The following MAGI3 variants were observed in gnomAD, a reference collection of about 807,000 sequenced individuals.
The protein encoded by MAGI3 is membrane-associated guanylate kinase, WW and PDZ domain-containing protein 3.
A neutral mutation model predicts 121.8 loss-of-function variants in MAGI3; 43 were observed. The observed-to-expected ratio is 0.35, with a 90% CI of 0.28 to 0.46. MAGI3 has a LOEUF of 0.46. Ranked by LOEUF, MAGI3 falls within the 20% of genes least tolerant of loss-of-function variation. MAGI3 has a pLI of 1.00. For missense variants in MAGI3, 1,547 were observed against 1,797.3 expected (o/e 0.86, Z 2.52); for synonymous variants, 553 against 639.3 (o/e 0.86, Z 2.04).
intron 1 of MAGI3, among the ~76,000 whole-genome samples, chr1:113,413,669 GCT>G (rs1282565367): frequency 1.3e-5 from 2 of 152,020 alleles, no homozygotes; most frequent in African/African-American, 4.8e-5. Context: ...TCATGATTTG[GCT>G]CTCTGTTTGT....
At chr1:113,462,073 G>A (rs1655063804) in intron 1 of MAGI3, among the ~76,000 whole-genome samples, 1 of 152,154 alleles carries the variant, frequency 6.6e-6, no homozygotes, top group Non-Finnish European at 1.5e-5. Flanking sequence ...ACATGCTGGT[G>A]AGATTGCAGA....
At chr1:113,549,030 G>C (rs1659654375) in intron 1 of MAGI3, among the ~76,000 whole-genome samples, 1 of 152,202 alleles carries the variant, frequency 6.6e-6, no homozygotes, top group Non-Finnish European at 1.5e-5. Context: ...AAATGTTGGG[G>C]AGGAAACATT....
chr1:113,479,257 A>G (rs1655999731), intron 1 of MAGI3, among the ~76,000 whole-genome samples: 1 of 152,134 alleles, frequency 6.6e-6, no homozygotes, highest in Non-Finnish European at 1.5e-5. Flanking sequence ...GGCTGCACCC[A>G]TTGTTCCACC....
intron 11 of MAGI3, 25 bp downstream of exon 11, chr1:113,643,799 CT>C: frequency 1.2e-6 from 2 of 1,608,152 alleles, no homozygotes; most frequent in Non-Finnish European, 1.7e-6. Flanking sequence ...GTCCTCAAAT[CT>C]TTTCCCCAAC....
At chr1:113,415,568 T>G (rs543512549) in intron 1 of MAGI3, among the ~76,000 whole-genome samples, 2 of 152,172 alleles carry the variant, frequency 1.3e-5, no homozygotes, top group Non-Finnish European at 2.9e-5. Flanking sequence ...AATATGATTC[T>G]TGAGCATCAC....
intron 3 of MAGI3, among the ~76,000 whole-genome samples, chr1:113,581,935 T>G (rs371977468): frequency 7.2e-5 from 11 of 152,188 alleles, no homozygotes; most frequent in Admixed American, 2.0e-4. Flanking sequence ...TGAAGTTTTT[T>G]TTTGTTTGTT....
At chr1:113,524,967 A>G (rs1425847616) in intron 1 of MAGI3, among the ~76,000 whole-genome samples, 2 of 152,230 alleles carry the variant, frequency 1.3e-5, no homozygotes, top group East Asian at 3.9e-4. Flanking sequence ...TGCTATTTTC[A>G]TGATAGTGAG....
In MAGI3 at chr1:113,682,953, C is replaced by A. The variant is rs754016934; in HGVS notation, c.3385C>A (p.Pro1129Thr). 6.2e-7 allele frequency: 1 copy of A among 1,612,450 alleles called. No homozygotes were observed. Among genetic ancestry groups the A allele is most frequent in the Admixed American group, 1.7e-5 (1 of 59,640 alleles). The stretch of plus-strand genomic sequence containing the variant: ...AAATGTGATTTATGATGAACAGTCA[C>A]CATTACCCCCATCTTCACATTTTGC... The part of the protein sequence containing the change: ...SSNVIYDEQS[P>T]LPPSSHFASI... The change falls in exon 21 of 21, where the codon CCA becomes ACA. Residue 1129 changes from proline to threonine, a missense_variant. Physicochemically the swap from Pro to Thr is conservative, Grantham distance 38 (BLOSUM62 -1). Coordinates refer to ENST00000307546, the MANE Select transcript of MAGI3 (RefSeq NM_001142782.2).
At chr1:113,407,584 T>TA (rs1553181559) in intron 1 of MAGI3, among the ~76,000 whole-genome samples, 3 of 150,694 alleles carry the variant, frequency 2.0e-5, no homozygotes, top group Non-Finnish European at 3.0e-5. Context: ...TTTTTTTTTT[T>TA]ATGCCTTTCA....
chr1:113,463,666 T>G (rs573522176), intron 1 of MAGI3, among the ~76,000 whole-genome samples: 1 of 152,176 alleles, frequency 6.6e-6, no homozygotes, highest in South Asian at 2.1e-4. Flanking sequence ...TAAATTTTGC[T>G]GTGAAGGCGG....
intron 2 of MAGI3, among the ~76,000 whole-genome samples, chr1:113,558,557 A>G (rs889181166): frequency 6.6e-6 from 1 of 152,146 alleles, no homozygotes; most frequent in African/African-American, 2.4e-5. Context: ...ATCAGGGATT[A>G]TATAAAGAGA....
At chr1:113,423,259 T>G (rs868558060) in intron 1 of MAGI3, among the ~76,000 whole-genome samples, 1,207 of 120,078 alleles carry the variant, frequency 0.01, 12 homozygotes, top group African/African-American at 0.023. Flanking sequence ...TTTTTTTTTT[T>G]GGGGGGGGGG....
chr1:113,474,996 T>A (rs941595148), intron 1 of MAGI3, among the ~76,000 whole-genome samples: 8 of 152,160 alleles, frequency 5.3e-5, no homozygotes, highest in African/African-American at 1.4e-4. Context: ...ATTCTCTTTG[T>A]AGCAATTGTG....
At chr1:113,638,965 C>T (rs1380581633) in intron 9 of MAGI3, among the ~76,000 whole-genome samples, 4 of 152,284 alleles carry the variant, frequency 2.6e-5, no homozygotes, top group East Asian at 3.9e-4. Flanking sequence ...GCCTCACTGC[C>T]GCCTTGCAGT....
intron 9 of MAGI3, 56 bp downstream of exon 9, chr1:113,623,050 G>A (rs1650938252): frequency 1.7e-6 from 2 of 1,158,754 alleles, no homozygotes; most frequent in Non-Finnish European, 2.3e-6. Flanking sequence ...AAAAATTATA[G>A]TGAAGAGATT....
chr1:113,647,534 A>G (rs949839565), intron 12 of MAGI3, among the ~76,000 whole-genome samples: 1 of 152,214 alleles, frequency 6.6e-6, no homozygotes, highest in Non-Finnish European at 1.5e-5. Context: ...AAATTCATGC[A>G]TGTTCCTACT....
In MAGI3 at chr1:113,390,898, CG is replaced by C. The variant is rs992624420; in HGVS notation, c.-132del. 3.1e-5 allele frequency: 16 copies of C among 513,460 alleles called. No individual in the cohort carries two copies. The highest frequency in any genetic ancestry group is 8.5e-6 in the Non-Finnish European group (3 of 353,672). 31.8% of individuals were successfully genotyped at this position (513,460 alleles called of 1,614,324 possible). On this transcript the variant is annotated 5_prime_UTR_variant, in exon 1 of 21. Transcript: ENST00000307546. ...CCGGGCCCCCAGCGGGCTGTGGTCG[CG>C]GGGTGGGGGCCGGAGCGGCGAGGCC...
chr1:113,419,599 T>G (rs1652629927), intron 1 of MAGI3, among the ~76,000 whole-genome samples: 1 of 151,730 alleles, frequency 6.6e-6, no homozygotes, highest in African/African-American at 2.4e-5. Flanking sequence ...GCATGGAGTT[T>G]TAGAAAAAAG....
Position 113,642,524 on chromosome 1 carries a change from A to G in MAGI3, c.1966+8A>G. 6.2e-7 allele frequency: 1 copy of G among 1,600,228 alleles called. No homozygotes were observed. ...TGCTTATCTTAAGAGGAGGTAAGTA[A>G]AAGCACAACATAGAAAAAGTTTCAG... is the stretch of plus-strand genomic sequence containing the variant. On this transcript the variant is annotated splice_region_variant and intron_variant, in intron 10 of 20. Coordinates refer to ENST00000307546, the MANE Select transcript of MAGI3 (RefSeq NM_001142782.2).
Sources: gnomAD v4.1 joint callset for allele counts (sites outside exome capture counted in the v4.1 genomes callset) on GRCh38, gnomAD v4.1.1 for gene constraint, MANE v1.5 for transcripts, NCBI Gene and HGNC (gene_info 2026-07-23, HGNC 2026-07-21) for gene names.